PCDHGA10: variants seen among roughly 807,000 people sequenced by gnomAD.
The protein encoded by PCDHGA10 is protocadherin gamma subfamily A, 10.
Under a neutral mutation model 59.5 loss-of-function variants are expected in PCDHGA10, and 42 were observed. The observed-to-expected ratio is 0.71, with a 90% CI of 0.55 to 0.91. The LOEUF is 0.91. PCDHGA10 is among the 40% of genes least tolerant of loss of function. PCDHGA10 has a pLI of 0.00. For missense variants in PCDHGA10, 1,111 were observed against 1,198.2 expected (o/e 0.93, Z 1.07); for synonymous variants, 511 against 517.2 (o/e 0.99, Z 0.16).
chr5:141,422,543 T>C lies in PCDHGA10; in HGVS notation c.2436+6932T>C, dbSNP rs2096655736. 1 of 1,613,882 alleles carries C rather than the reference T, an allele frequency of 6.2e-7. No homozygotes were observed. Among genetic ancestry groups the C allele is most frequent in the African/African-American group, 1.3e-5 (1 of 74,928 alleles). Reference sequence around the variant, plus strand: ...CCGCCTTTGTCTGCAGAAACTCATGTCTGGCTGAATGTGGCAGATGACAAC... The same window carrying C: ...CCGCCTTTGTCTGCAGAAACTCATGCCTGGCTGAATGTGGCAGATGACAAC... On this transcript the variant is annotated intron_variant, in intron 1 of 3. Coordinates refer to ENST00000398610, the MANE Select transcript of PCDHGA10 (RefSeq NM_018913.3).
In PCDHGA10 at chr5:141,432,413, G is replaced by A; in HGVS notation, c.2436+16802G>A. 1.2e-6 allele frequency: 2 copies of A among 1,614,232 alleles called. No homozygotes were observed. The highest frequency in any genetic ancestry group is 2.2e-5 in the South Asian group (2 of 91,082). Reference sequence around the variant, plus strand: ...CAGCAACGTGTCGTTGAGCCTGTTCGTGCTGGACCAGAACGACAATGCGCC... The same window carrying A: ...CAGCAACGTGTCGTTGAGCCTGTTCATGCTGGACCAGAACGACAATGCGCC... On this transcript the variant is annotated intron_variant, in intron 1 of 3. Coordinates refer to ENST00000398610, the MANE Select transcript of PCDHGA10 (RefSeq NM_018913.3). The surrounding 1 kb of genome is among the most constrained non-coding windows in gnomAD (Gnocchi z 6.0).
At chr5:141,468,668 C>T (rs993230755) in intron 1 of PCDHGA10, 1 of 149,910 alleles carries the variant, frequency 6.7e-6, no homozygotes, top group Admixed American at 6.7e-5. Context: ...AGATCAAGAC[C>T]ATCCTGGCTA....
intron 1 of PCDHGA10, among the ~76,000 whole-genome samples, chr5:141,438,587 CATACATATATATATATATATATATATAT>C (rs1267620600): frequency 1.4e-5 from 1 of 73,428 alleles, no homozygotes; most frequent in Non-Finnish European, 2.6e-5. Context: ...TACATACATA[CATACATATATATATATATATATATATAT>C]ATATATATAT....
chr5:141,423,693 G>A (rs114008539), intron 1 of PCDHGA10: 1 of 1,396,244 alleles, frequency 7.2e-7, no homozygotes, highest in Non-Finnish European at 9.4e-7. Flanking sequence ...CTAATTGTTG[G>A]TGTCTTGGCA....
chr5:141,506,061 G>A (rs1260513343), intron 3 of PCDHGA10, among the ~76,000 whole-genome samples: 2 of 152,144 alleles, frequency 1.3e-5, no homozygotes, highest in Non-Finnish European at 2.9e-5. Flanking sequence ...GGTTGACTAA[G>A]GGCTTCCTTT....
intron 2 of PCDHGA10, among the ~76,000 whole-genome samples, chr5:141,504,802 C>G (rs370355030): frequency 6.6e-6 from 1 of 152,030 alleles, no homozygotes; most frequent in East Asian, 1.9e-4. Context: ...ACATCTCCCC[C>G]TAGGTACCTC....
chr5:141,464,208 T>G (rs915798868), intron 1 of PCDHGA10, among the ~76,000 whole-genome samples: 1 of 148,120 alleles, frequency 6.8e-6, no homozygotes, highest in Admixed American at 6.9e-5. Context: ...GAGATTGCAG[T>G]GAGCTGAGAT....
chr5:141,422,421 T>C, intron 1 of PCDHGA10: 1 of 1,607,810 alleles, frequency 6.2e-7, no homozygotes, highest in Non-Finnish European at 8.5e-7. Context: ...TAGAAAAGAC[T>C]TATGGAAATT....
In PCDHGA10 at chr5:141,489,750, C is replaced by A. The variant is rs753217170; in HGVS notation, c.2437-5057C>A. 1 of 1,614,098 alleles carries A rather than the reference C, an allele frequency of 6.2e-7. No individual in the cohort carries two copies. The highest frequency in any genetic ancestry group is 1.1e-5 in the South Asian group (1 of 91,080). Reference sequence around the variant, plus strand: ...TGGGCACCAATACTGTGAGCTTTTACACTCTAAGCCCCAACAGCCACTTCT... The same window carrying A: ...TGGGCACCAATACTGTGAGCTTTTAAACTCTAAGCCCCAACAGCCACTTCT... On this transcript the variant is annotated intron_variant, in intron 1 of 3. Coordinates refer to ENST00000398610, the MANE Select transcript of PCDHGA10 (RefSeq NM_018913.3). This position sits in a 1 kb window ranked among gnomAD's most constrained non-coding sequence, Gnocchi z 4.5.
intron 1 of PCDHGA10, among the ~76,000 whole-genome samples, chr5:141,465,090 A>G (rs566511602): frequency 6.7e-6 from 1 of 149,576 alleles, no homozygotes; most frequent in Admixed American, 6.7e-5. Flanking sequence ...TCATTTTTCT[A>G]GTAGTTTTTT....
intron 1 of PCDHGA10, chr5:141,423,302 T>G (rs1221185261): frequency 6.2e-7 from 1 of 1,614,144 alleles, no homozygotes. Context: ...GACCTCTCGC[T>G]GTACTTGGTG....
At chr5:141,434,713 T>C (rs1377558306) in intron 1 of PCDHGA10, among the ~76,000 whole-genome samples, 1 of 152,088 alleles carries the variant, frequency 6.6e-6, no homozygotes, top group Non-Finnish European at 1.5e-5. Flanking sequence ...GGTAAATCTC[T>C]GTTCAGGGCT....
chr5:141,433,408 A>ATCTATCT (rs1413347413), intron 1 of PCDHGA10, among the ~76,000 whole-genome samples: 44 of 127,346 alleles, frequency 3.5e-4, no homozygotes, highest in African/African-American at 1.2e-3. Context: ...TCTATCTATT[A>ATCTATCT]CTTTCTTGTA....
chr5:141,483,007 C>G (rs938404755), intron 1 of PCDHGA10, among the ~76,000 whole-genome samples: 1 of 152,140 alleles, frequency 6.6e-6, no homozygotes, highest in South Asian at 2.1e-4. Flanking sequence ...ATTGCTTGAA[C>G]CCGGGAGGCA....
At position 141,418,260 on chromosome 5, in the gene PCDHGA10, G is replaced by C. The variant is rs144490159; in HGVS notation, c.2436+2649G>C. On this transcript the variant is annotated intron_variant, in intron 1 of 3. Transcript: ENST00000398610. Reference sequence around the variant, plus strand: ...GTTAATGACCACGCCCCTCAATTCCGGAAAGATGAAATAAACTTAGAAATC... The same window carrying C: ...GTTAATGACCACGCCCCTCAATTCCCGAAAGATGAAATAAACTTAGAAATC... 2.5e-6 allele frequency: 4 copies of C among 1,613,888 alleles called. No individual in the cohort carries two copies. Among genetic ancestry groups the C allele is most frequent in the South Asian group, 1.1e-5 (1 of 91,088 alleles).
In PCDHGA10 at chr5:141,413,400, G is replaced by A. The variant is rs1328176117; in HGVS notation, c.225G>A (p.Arg75=). ...ERGVRIVSRG[R]TQLFSLNPRS... is the part of the protein sequence containing the mutation. ...GAGTCCGCATAGTCTCCAGAGGTAGGACGCAGCTTTTCTCTCTGAACCCGC... is the reference window on the plus strand; with the variant it reads ...GAGTCCGCATAGTCTCCAGAGGTAGAACGCAGCTTTTCTCTCTGAACCCGC... The change falls in exon 1 of 4, where the codon AGG becomes AGA. Residue 75 remains arginine, a synonymous_variant. Coordinates refer to ENST00000398610, the MANE Select transcript of PCDHGA10 (RefSeq NM_018913.3). 4 of 1,614,060 alleles carry A rather than the reference G, an allele frequency of 2.5e-6. No individual in the cohort carries two copies. Among genetic ancestry groups the A allele is most frequent in the Non-Finnish European group, 2.5e-6 (3 of 1,179,926 alleles).
chr5:141,423,462 C>G, intron 1 of PCDHGA10: 1 of 1,613,924 alleles, frequency 6.2e-7, no homozygotes, highest in Non-Finnish European at 8.5e-7. Flanking sequence ...TAGGCGTGGA[C>G]GGGGTACAGG....
In PCDHGA10 at chr5:141,432,688, A is replaced by T; in HGVS notation, c.2436+17077A>T. 1 of 1,613,896 alleles carries T rather than the reference A, an allele frequency of 6.2e-7. No homozygotes were observed. The highest frequency in any genetic ancestry group is 1.1e-5 in the South Asian group (1 of 91,078). ...GAGACGCGCTCAAGCAGAGCCTCGTAGTGGCCGTCCAGGACCACGGCCAGC... is the reference window on the plus strand; with the variant it reads ...GAGACGCGCTCAAGCAGAGCCTCGTTGTGGCCGTCCAGGACCACGGCCAGC... On this transcript the variant is annotated intron_variant, in intron 1 of 3. Transcript: ENST00000398610. This position sits in a 1 kb window ranked among gnomAD's most constrained non-coding sequence, Gnocchi z 6.0.
At chr5:141,418,348 T>C in intron 1 of PCDHGA10, 4 of 1,613,982 alleles carry the variant, frequency 2.5e-6, no homozygotes, top group Non-Finnish European at 3.4e-6. Context: ...CTGATATTAG[T>C]ATGAATTCGC....
Sources: gnomAD v4.1 joint callset for allele counts (sites outside exome capture counted in the v4.1 genomes callset) on GRCh38, gnomAD v4.1.1 for gene constraint, Gnocchi (gnomAD v3.1) non-coding constraint, MANE v1.5 for transcripts, NCBI Gene and HGNC (gene_info 2026-07-23, HGNC 2026-07-21) for gene names.